Variants in SPECC1 observed in about 807,000 individuals in gnomAD.
SPECC1 encodes cytospin-B.
In SPECC1, 62 loss-of-function variants were observed where a neutral mutation model predicts 104.1. The observed-to-expected ratio is 0.60, with a 90% CI of 0.49 to 0.74. The LOEUF is 0.74. SPECC1 is among the 30% of genes least tolerant of loss of function. The pLI, the probability that SPECC1 is intolerant of heterozygous loss-of-function variation, is 0.00. For synonymous variants in SPECC1, 513 were observed against 501.6 expected (o/e 1.02, Z -0.30); for missense variants, 1,306 against 1,310.5 (o/e 1.00, Z 0.05).
chr17:20,315,373 CCTCAGAAGTG>C lies in SPECC1; in HGVS notation c.*1314_*1323del, dbSNP rs917594889. The C allele has an allele frequency of 6.4e-5, 15 of 232,974 alleles. No individual in the cohort carries two copies. The highest frequency in any genetic ancestry group is 1.1e-4 in the Non-Finnish European group (13 of 117,922). The allele number at this position is 232,974 out of a possible 1,614,324, so 14.4% of individuals were successfully genotyped here. A position where few individuals can be genotyped will look rare whatever the true frequency, so the allele number is the denominator to read the frequency against. On this transcript the variant is annotated 3_prime_UTR_variant, in exon 15 of 15. Coordinates refer to ENST00000395527, the MANE Select transcript of SPECC1 (RefSeq NM_001243439.2). Reference sequence around the variant, plus strand: ...AGCCCTCCCCAGCGGTGCCCCAGTCCCTCAGAAGTGCTCAGTCCGGCCCGAGTGCCCATCT... The same window carrying C: ...AGCCCTCCCCAGCGGTGCCCCAGTCCCTCAGTCCGGCCCGAGTGCCCATCT...
In SPECC1 at chr17:20,266,647, C is replaced by T. The variant is rs561371934; in HGVS notation, c.2940+6353C>T. 4.3e-4 allele frequency among the ~76,000 whole-genome samples: 66 copies of T among 152,230 alleles called. 3 individuals are homozygous for T. The South Asian group carries it at 0.012, about 28-fold the overall frequency. ...ACAGTGAATGAAACAGGCAACAGTCCCTGCTCTCATGGAACTTAAATCCTC... is the reference window on the plus strand; with the variant it reads ...ACAGTGAATGAAACAGGCAACAGTCTCTGCTCTCATGGAACTTAAATCCTC... On this transcript the variant is annotated intron_variant, in intron 12 of 14. Coordinates refer to ENST00000395527, the MANE Select transcript of SPECC1 (RefSeq NM_001243439.2).
chr17:20,280,851 A>G (rs1259756324), intron 12 of SPECC1, among the ~76,000 whole-genome samples: 3 of 152,236 alleles, frequency 2.0e-5, no homozygotes, highest in African/African-American at 7.2e-5. Flanking sequence ...AACCTTCTGC[A>G]GAAGCATCAT....
intron 1 of SPECC1, among the ~76,000 whole-genome samples, chr17:20,052,271 T>TATTA (rs1459633879): frequency 6.6e-6 from 1 of 152,198 alleles, no homozygotes; most frequent in East Asian, 1.9e-4. Context: ...GAACCGCAGG[T>TATTA]ATTACTGTAT....
At chr17:20,164,772 GAAGA>G (rs1200417548) in intron 3 of SPECC1, among the ~76,000 whole-genome samples, 21 of 152,084 alleles carry the variant, frequency 1.4e-4, no homozygotes, top group Admixed American at 1.4e-3. Flanking sequence ...TTCAAAACTT[GAAGA>G]AAGAGGTGTC....
At chr17:20,083,614 G>A (rs2047065192) in intron 1 of SPECC1, among the ~76,000 whole-genome samples, 1 of 149,008 alleles carries the variant, frequency 6.7e-6, no homozygotes, top group Non-Finnish European at 1.5e-5. Flanking sequence ...TCTAATGTGG[G>A]GATGCATCAG....
At chr17:20,073,407 A>C (rs1477717806) in intron 1 of SPECC1, among the ~76,000 whole-genome samples, 1 of 152,212 alleles carries the variant, frequency 6.6e-6, no homozygotes, top group Non-Finnish European at 1.5e-5. Context: ...CAAATTAAGC[A>C]TTGAGGACCA....
chr17:20,245,894 C>G (rs1385740782), intron 7 of SPECC1, 32 bp from the exon 8 acceptor site: 26 of 1,610,124 alleles, frequency 1.6e-5, no homozygotes, highest in Non-Finnish European at 2.1e-5. Context: ...TGTCCTCCAT[C>G]TTTTCAATCT....
chr17:20,312,070 A>G (rs1377410849), intron 14 of SPECC1, among the ~76,000 whole-genome samples: 5 of 152,210 alleles, frequency 3.3e-5, no homozygotes, highest in Admixed American at 3.3e-4. Context: ...ATTGGCATGT[A>G]GATTTCCTGT....
At chr17:20,238,588 T>C (rs2039047274) in intron 7 of SPECC1, 1 of 1,042,524 alleles carries the variant, frequency 9.6e-7, no homozygotes, top group Non-Finnish European at 1.2e-6. Flanking sequence ...ACAGAATCAT[T>C]AGAAAAATTA....
At chr17:20,216,749 T>C (rs1370748137) in intron 4 of SPECC1, among the ~76,000 whole-genome samples, 1 of 152,210 alleles carries the variant, frequency 6.6e-6, no homozygotes, top group Non-Finnish European at 1.5e-5. Flanking sequence ...CTACAGAAAG[T>C]TGATCTTTGA....
chr17:20,022,328 C>A (rs1331576559), intron 1 of SPECC1, among the ~76,000 whole-genome samples: 3 of 152,078 alleles, frequency 2.0e-5, no homozygotes, highest in Non-Finnish European at 4.4e-5. Flanking sequence ...TTTGAGTTTC[C>A]ATTGACATAA....
At position 20,315,467 on chromosome 17, in the gene SPECC1, G is replaced by A. The variant is rs906514458; in HGVS notation, c.*1402G>A. On this transcript the variant is annotated 3_prime_UTR_variant, in exon 15 of 15. Transcript: ENST00000395527. ...TGTGCACTACACAGCGAGTGAGGGC[G>A]TGGCTCACACAGTTGTTTGAGGGAA... 14 of 232,842 alleles carry A rather than the reference G, an allele frequency of 6.0e-5. No individual in the cohort carries two copies. The highest frequency in any genetic ancestry group is 4.8e-4 in the East Asian group (8 of 16,530). The allele number at this position is 232,842 out of a possible 1,614,324, so 14.4% of individuals were successfully genotyped here. A position where few individuals can be genotyped will look rare whatever the true frequency, so the allele number is the denominator to read the frequency against.
rs551201947 is a variant in SPECC1 at position 20,300,673 on chromosome 17, T to C, written c.3057+3596T>C. Among the ~76,000 whole-genome samples the C allele has an allele frequency of 3.9e-5, 6 of 152,398 alleles. No individual in the cohort carries two copies. In the South Asian group the frequency reaches 1.2e-3, roughly 32 times the overall value. Reference sequence around the variant, plus strand: ...TGTGTCTGGCCCTAGTCTCTGCGATTCTGAGCGCAGAGGCTCCGCCAGCTG... The same window carrying C: ...TGTGTCTGGCCCTAGTCTCTGCGATCCTGAGCGCAGAGGCTCCGCCAGCTG... On this transcript the variant is annotated intron_variant, in intron 13 of 14. Transcript: ENST00000395527.
chr17:20,296,432 T>A (rs1381501248), intron 12 of SPECC1, among the ~76,000 whole-genome samples: 1 of 152,144 alleles, frequency 6.6e-6, no homozygotes, highest in Non-Finnish European at 1.5e-5. Flanking sequence ...AGCCTTGGAG[T>A]ATAGTTTGAA....
intron 1 of SPECC1, among the ~76,000 whole-genome samples, chr17:20,070,603 G>T (rs2152480978): frequency 6.6e-6 from 1 of 152,112 alleles, no homozygotes; most frequent in East Asian, 1.9e-4. Flanking sequence ...TAATTATGTG[G>T]ATATACCATA....
intron 3 of SPECC1, among the ~76,000 whole-genome samples, chr17:20,164,265 C>T (rs1162313496): frequency 6.6e-6 from 1 of 151,284 alleles, no homozygotes; most frequent in African/African-American, 2.4e-5. Flanking sequence ...CCTTGACCTT[C>T]CTCTCTGCCC....
At chr17:20,019,152 G>A (rs1167938645) in intron 1 of SPECC1, among the ~76,000 whole-genome samples, 1 of 152,090 alleles carries the variant, frequency 6.6e-6, no homozygotes, top group Non-Finnish European at 1.5e-5. Flanking sequence ...CAAGGTGGGA[G>A]GATCTCTTGA....
intron 5 of SPECC1, 128 bp from the exon 6 acceptor site, chr17:20,231,630 A>G: frequency 1.3e-6 from 1 of 772,588 alleles, no homozygotes; most frequent in Non-Finnish European, 2.2e-6. Context: ...AGTTGCATTT[A>G]GAGTAGAATG....
chr17:20,155,830 G>A, intron 3 of SPECC1: 3 of 811,832 alleles, frequency 3.7e-6, no homozygotes, highest in Non-Finnish European at 4.6e-6. Context: ...GGTGCGTCCC[G>A]CCCACGGCGC....
Sources: gnomAD v4.1 joint callset for allele counts (sites outside exome capture counted in the v4.1 genomes callset) on GRCh38, gnomAD v4.1.1 for gene constraint, MANE v1.5 for transcripts, NCBI Gene and HGNC (gene_info 2026-07-23, HGNC 2026-07-21) for gene names.